CPAMD8: variants seen among roughly 807,000 people sequenced by gnomAD.
CPAMD8 encodes C3 and PZP like alpha-2-macroglobulin domain containing 8.
In CPAMD8, 146 loss-of-function variants were observed where a neutral mutation model predicts 224.7. That is an observed-to-expected ratio of 0.65 (90% CI 0.57 to 0.75). The LOEUF (loss-of-function observed/expected upper bound fraction) is 0.75, where lower values mean the gene tolerates loss of function less well. Among genes scored for constraint, CPAMD8 ranks in the 30% least tolerant of loss-of-function variants. The pLI, the probability that CPAMD8 is intolerant of heterozygous loss-of-function variation, is 0.00. For missense variants in CPAMD8, 2,301 were observed against 2,537.5 expected, an observed-to-expected ratio of 0.91 and a Z score of 2.00; for synonymous variants, 966 against 1,044.6, an observed-to-expected ratio of 0.92 and a Z score of 1.45.
intron 30 of CPAMD8, among the ~76,000 whole-genome samples, chr19:16,905,365 A>T (rs2052429156): frequency 6.6e-6 from 1 of 151,664 alleles, no homozygotes; most frequent in African/African-American, 2.4e-5. Context: ...GGATCACCTG[A>T]GGTCAGGAGT....
At chr19:16,997,438 C>T (rs1483161291) in intron 10 of CPAMD8, 100 bp from the exon 11 acceptor site, 4 of 728,610 alleles carry the variant, frequency 5.5e-6, no homozygotes, top group Non-Finnish European at 9.8e-6. Flanking sequence ...TCTTCAGCTG[C>T]TTGGAGGGCC....
chr19:16,987,204 A>ATATATATG (rs2055774992), intron 13 of CPAMD8, among the ~76,000 whole-genome samples: 2 of 125,386 alleles, frequency 1.6e-5, no homozygotes, highest in East Asian at 2.6e-4. Flanking sequence ...ATATATATAT[A>ATATATATG]TATATGTATA....
At chr19:16,969,508 T>C (rs2054973818) in intron 18 of CPAMD8, among the ~76,000 whole-genome samples, 1 of 152,054 alleles carries the variant, frequency 6.6e-6, no homozygotes, top group African/African-American at 2.4e-5. Context: ...TCCGAGGTGA[T>C]GGTGTTGAGG....
chr19:16,922,188 T>C (rs946654058), intron 26 of CPAMD8, among the ~76,000 whole-genome samples: 56 of 144,570 alleles, frequency 3.9e-4, no homozygotes, highest in Admixed American at 1.1e-3. Flanking sequence ...AACTGCCCCA[T>C]ACCACATGTG....
chr19:16,904,697 A>T (rs369676332), intron 30 of CPAMD8, 145 bp from the exon 31 acceptor site: 25 of 666,008 alleles, frequency 3.8e-5, no homozygotes, highest in Middle Eastern at 7.8e-4. Flanking sequence ...CAGCTGGAAC[A>T]GGAAGGGCCT....
At position 16,967,771 on chromosome 19, in the gene CPAMD8, T is replaced by C. The variant is rs567097909; in HGVS notation, c.2213+3120A>G. On this transcript the variant is annotated intron_variant, in intron 18 of 41. Coordinates refer to ENST00000443236, the MANE Select transcript of CPAMD8 (RefSeq NM_015692.5). ...TTGTAGTAAGCCAAGATGGCGCCAC[T>C]ACACTCCAGCCTGGGCAACAGAGTG... is the stretch of plus-strand genomic sequence containing the variant. Among the ~76,000 whole-genome samples the C allele has an allele frequency of 1.1e-4, 16 of 143,012 alleles. No homozygotes were observed. The Admixed American group carries it at 1.1e-3, about 10-fold the overall frequency. 93.8% of individuals were successfully genotyped at this position (143,012 alleles called of 152,430 possible).
At chr19:16,972,443 T>C (rs1271803627) in intron 17 of CPAMD8, among the ~76,000 whole-genome samples, 1 of 152,130 alleles carries the variant, frequency 6.6e-6, no homozygotes, top group Non-Finnish European at 1.5e-5. Context: ...ACAAGAATTT[T>C]TTTTTTTTAG....
At chr19:16,916,599 C>T (rs1393945171) in intron 27 of CPAMD8, among the ~76,000 whole-genome samples, 1 of 151,488 alleles carries the variant, frequency 6.6e-6, no homozygotes. Context: ...ATTAGCCAGG[C>T]GTGGTGGCGG....
At position 16,903,697 on chromosome 19, in the gene CPAMD8, C is replaced by T. The variant is rs779824102; in HGVS notation, c.4407+5G>A. The T allele has an allele frequency of 1.2e-4, 197 of 1,613,958 alleles. No homozygotes were observed. Among genetic ancestry groups the T allele is most frequent in the Non-Finnish European group, 1.6e-4 (185 of 1,179,974 alleles). On this transcript the variant is annotated splice_donor_5th_base_variant and intron_variant, in intron 33 of 41. Coordinates refer to ENST00000443236, the MANE Select transcript of CPAMD8 (RefSeq NM_015692.5). ...CCCCCAAACCCTCATCCCAGGAACA[C>T]GCACCGCTGCTGTCTGCAGAACCTT... is the stretch of plus-strand genomic sequence containing the variant.
At chr19:16,919,232 A>T (rs1408394847) in intron 27 of CPAMD8, among the ~76,000 whole-genome samples, 4 of 151,958 alleles carry the variant, frequency 2.6e-5, no homozygotes, top group African/African-American at 9.7e-5. Context: ...GGAATAGAAT[A>T]GAATGAGGCA....
At position 17,000,388 on chromosome 19, in the gene CPAMD8, G is replaced by T. The variant is rs758827528; in HGVS notation, c.867+26C>A. The T allele has an allele frequency of 4.5e-5, 40 of 885,602 alleles. 1 individual carries two copies. The highest frequency in any genetic ancestry group is 6.8e-5 in the Non-Finnish European group (35 of 516,818). 54.9% of individuals were successfully genotyped at this position (885,602 alleles called of 1,614,324 possible). A position where few individuals can be genotyped will look rare whatever the true frequency, so the allele number is the denominator to read the frequency against. On this transcript the variant is annotated intron_variant, in intron 10 of 41. Transcript: ENST00000443236. ...AGGTGAACCTGGGGGTTGGGTCAGGGGGTAGAAGGGGTCCCTGTTTCTCAC... is the reference window on the plus strand; with the variant it reads ...AGGTGAACCTGGGGGTTGGGTCAGGTGGTAGAAGGGGTCCCTGTTTCTCAC...
chr19:16,986,418 G>A (rs2055723304), intron 13 of CPAMD8, among the ~76,000 whole-genome samples: 2 of 152,160 alleles, frequency 1.3e-5, no homozygotes, highest in South Asian at 4.1e-4. Flanking sequence ...AGTCTGGCCA[G>A]CTGAGAACAC....
intron 12 of CPAMD8, among the ~76,000 whole-genome samples, chr19:16,990,829 T>C (rs1200952074): frequency 3.8e-5 from 5 of 130,730 alleles, no homozygotes; most frequent in Non-Finnish European, 6.3e-5. Flanking sequence ...CGCCATTGCA[T>C]TCCAGCCTGG....
chr19:16,970,662 C>T (rs2055029165), intron 18 of CPAMD8, among the ~76,000 whole-genome samples: 1 of 152,098 alleles, frequency 6.6e-6, no homozygotes, highest in African/African-American at 2.4e-5. Context: ...AGCAAGAAGC[C>T]AGAGGGCACC....
At chr19:16,938,056 G>T (rs1012922075) in intron 23 of CPAMD8, among the ~76,000 whole-genome samples, 3 of 152,192 alleles carry the variant, frequency 2.0e-5, no homozygotes, top group Admixed American at 1.3e-4. Context: ...CAAAGTGCTG[G>T]GATTACAGGT....
intron 7 of CPAMD8, among the ~76,000 whole-genome samples, 173 bp downstream of exon 7, chr19:17,008,332 C>T (rs2056549300): frequency 6.6e-6 from 1 of 152,204 alleles, no homozygotes; most frequent in Non-Finnish European, 1.5e-5. Flanking sequence ...CAGATCCAAA[C>T]CCATGGCATT....
At chr19:16,938,043 T>C (rs2053756239) in intron 23 of CPAMD8, among the ~76,000 whole-genome samples, 1 of 152,316 alleles carries the variant, frequency 6.6e-6, no homozygotes, top group Middle Eastern at 3.4e-3. Flanking sequence ...TTCCTCAGGA[T>C]CCCAAAGTGC....
At chr19:17,024,520 A>G (rs918038790) in intron 1 of CPAMD8, among the ~76,000 whole-genome samples, 2 of 152,230 alleles carry the variant, frequency 1.3e-5, no homozygotes, top group African/African-American at 4.8e-5. Flanking sequence ...CGGGCCTCAC[A>G]TATAGTACAT....
At chr19:16,953,551 T>A (rs1022613590) in intron 19 of CPAMD8, among the ~76,000 whole-genome samples, 6 of 151,086 alleles carry the variant, frequency 4.0e-5, no homozygotes, top group Non-Finnish European at 5.9e-5. Flanking sequence ...AATTAAAAAA[T>A]TTAGCCAGGA....
Sources: gnomAD v4.1 joint callset for allele counts (sites outside exome capture counted in the v4.1 genomes callset) on GRCh38, gnomAD v4.1.1 for gene constraint, MANE v1.5 for transcripts, NCBI Gene and HGNC (gene_info 2026-07-23, HGNC 2026-07-21) for gene names.